Variants in SCAPER observed in about 807,000 individuals in gnomAD.
SCAPER encodes the protein S phase cyclin A-associated protein in the endoplasmic reticulum.
A neutral mutation model predicts 182.2 loss-of-function variants in SCAPER; 98 were observed. That is an observed-to-expected ratio of 0.54 (90% CI 0.46 to 0.64). The LOEUF (loss-of-function observed/expected upper bound fraction) is 0.64, where lower values mean the gene tolerates loss of function less well. Ranked by LOEUF, SCAPER falls within the 30% of genes least tolerant of loss-of-function variation. The pLI is 0.00. For synonymous variants in SCAPER, 605 were observed against 564.6 expected (o/e 1.07, Z -1.01); for missense variants, 1,432 against 1,690.0 (o/e 0.85, Z 2.68).
At chr15:76,884,038 A>G (rs2073718369) in intron 1 of SCAPER, among the ~76,000 whole-genome samples, 162 bp from the exon 2 acceptor site, 1 of 152,226 alleles carries the variant, frequency 6.6e-6, no homozygotes, top group African/African-American at 2.4e-5. Flanking sequence ...TGCTTTAAAT[A>G]TTCCATGCTG....
At chr15:76,693,532 C>T (rs1364757548) in intron 20 of SCAPER, among the ~76,000 whole-genome samples, 1 of 152,058 alleles carries the variant, frequency 6.6e-6, no homozygotes, top group Non-Finnish European at 1.5e-5. Context: ...ATTTGTATAA[C>T]CCATGTTCAT....
intron 26 of SCAPER, among the ~76,000 whole-genome samples, chr15:76,426,353 TCA>T (rs1236235640): frequency 1.3e-5 from 2 of 152,178 alleles, no homozygotes; most frequent in Non-Finnish European, 2.9e-5. Context: ...CAGATTGATC[TCA>T]GACTGCTGTG....
In SCAPER at chr15:76,354,104, G is replaced by C; in HGVS notation, c.3892C>G (p.Gln1298Glu). 1 of 1,610,250 alleles carries C rather than the reference G, an allele frequency of 6.2e-7. No individual in the cohort carries two copies. The highest frequency in any genetic ancestry group is 2.2e-5 in the East Asian group (1 of 44,508). The change falls in exon 30 of 32, where the codon CAG (glutamine) becomes GAG (glutamate). Residue 1298 changes from glutamine (Q) to glutamate (E), a missense_variant. Gln to Glu is a conservative substitution (Grantham distance 29, BLOSUM62 2). Around this residue, in one of 5 missense-constraint regions of SCAPER, gnomAD observed 718 missense variants for 799.7 expected, o/e 0.90. Transcript: ENST00000563290. The surrounding 1 kb of genome is among the most constrained non-coding windows in gnomAD (Gnocchi z 4.4). ...VQSGRHPTVL[Q>E]KLCQLPFQYF... ...TGGAAGGGCAACTGGCAGAGCTTCTGCAGCACTGTGGGGTGGCGGCCGGAC... is the reference window on the plus strand; with the variant it reads ...TGGAAGGGCAACTGGCAGAGCTTCTCCAGCACTGTGGGGTGGCGGCCGGAC...
At chr15:76,769,546 G>C (rs2063331452) in intron 10 of SCAPER, among the ~76,000 whole-genome samples, 1 of 151,766 alleles carries the variant, frequency 6.6e-6, no homozygotes, top group Non-Finnish European at 1.5e-5. Flanking sequence ...CATTTGTGCA[G>C]CCAACAGACA....
rs749628378 is a variant in SCAPER, at chr15:76,883,880, C to A, written c.-59-4G>T. ...ATAAACCCATGGAGTATGACTCCTA[C>A]AATAAAAAATATATATACGCTTAGT... On this transcript the variant is annotated splice_region_variant and splice_polypyrimidine_tract_variant and intron_variant, in intron 1 of 31. Transcript: ENST00000563290. 8.0e-7 allele frequency: 1 copy of A among 1,247,096 alleles called. No homozygotes were observed. Among genetic ancestry groups the A allele is most frequent in the Non-Finnish European group, 1.1e-6 (1 of 896,914 alleles). 77.3% of individuals were successfully genotyped at this position (1,247,096 alleles called of 1,614,324 possible).
chr15:76,459,755 T>C (rs1186618536), intron 25 of SCAPER, among the ~76,000 whole-genome samples: 2 of 152,206 alleles, frequency 1.3e-5, no homozygotes, highest in Non-Finnish European at 2.9e-5. Flanking sequence ...CCTAGACTAA[T>C]GTCCAGCAGA....
intron 25 of SCAPER, among the ~76,000 whole-genome samples, chr15:76,448,665 T>C (rs2048169843): frequency 1.3e-5 from 2 of 152,066 alleles, no homozygotes; most frequent in African/African-American, 2.4e-5. Context: ...CTGAGACATA[T>C]CAACATTTGC....
chr15:76,755,395 T>G (rs4641709), intron 14 of SCAPER, among the ~76,000 whole-genome samples: 1 of 152,004 alleles, frequency 6.6e-6, no homozygotes, highest in Non-Finnish European at 1.5e-5. Context: ...TTTATGAACA[T>G]TCAGATTATG....
At chr15:76,501,538 G>A (rs1448019001) in intron 24 of SCAPER, among the ~76,000 whole-genome samples, 1 of 152,184 alleles carries the variant, frequency 6.6e-6, no homozygotes, top group Non-Finnish European at 1.5e-5. Flanking sequence ...GCAGTGACAC[G>A]TAAGGTTTAT....
intron 22 of SCAPER, among the ~76,000 whole-genome samples, chr15:76,599,867 T>A (rs1411983532): frequency 8.2e-6 from 1 of 121,912 alleles, no homozygotes. Flanking sequence ...TCAAAATTTA[T>A]CAAATGTCAC....
In SCAPER at chr15:76,418,661, G is replaced by A. The variant is rs560649276; in HGVS notation, c.3312-13982C>T. Among the ~76,000 whole-genome samples the A allele has an allele frequency of 1.6e-4, 24 of 152,348 alleles. No homozygotes were observed. In the East Asian group the frequency reaches 4.4e-3, roughly 28 times the overall value. ...GCTTGCATCACTATAACTGTAGCTG[G>A]CTGGATCCTAGGCCAGACAAAATTA... On this transcript the variant is annotated intron_variant, in intron 26 of 31. Transcript: ENST00000563290.
At chr15:76,355,544 T>G (rs939434843) in intron 29 of SCAPER, among the ~76,000 whole-genome samples, 6 of 11,478 alleles carry the variant, frequency 5.2e-4, no homozygotes, top group South Asian at 0.083. Flanking sequence ...ATTAGAAGTC[T>G]TCTTTTTTTT....
At chr15:76,633,414 G>A (rs1367873829) in intron 21 of SCAPER, among the ~76,000 whole-genome samples, 1 of 152,234 alleles carries the variant, frequency 6.6e-6, no homozygotes. Context: ...AACGGGATCA[G>A]GGTCTTGCTT....
intron 5 of SCAPER, among the ~76,000 whole-genome samples, chr15:76,812,018 A>G (rs1320786643): frequency 6.6e-6 from 1 of 152,098 alleles, no homozygotes; most frequent in Non-Finnish European, 1.5e-5. Flanking sequence ...AATCAAATAT[A>G]GAAAAACATC....
chr15:76,480,005 C>T (rs1420924781), intron 24 of SCAPER, among the ~76,000 whole-genome samples: 1 of 152,084 alleles, frequency 6.6e-6, no homozygotes, highest in East Asian at 1.9e-4. Flanking sequence ...ATCGTTTTGC[C>T]CTCAAGTAAG....
intron 10 of SCAPER, among the ~76,000 whole-genome samples, chr15:76,768,710 ACAGT>A (rs1598614280): frequency 1.3e-5 from 2 of 152,178 alleles, no homozygotes; most frequent in East Asian, 3.8e-4. Context: ...ATCCACAGTT[ACAGT>A]CAGTGATTTC....
At chr15:76,530,967 A>G (rs969824596) in intron 23 of SCAPER, among the ~76,000 whole-genome samples, 1 of 151,474 alleles carries the variant, frequency 6.6e-6, no homozygotes, top group South Asian at 2.1e-4. Context: ...ATATATGTGT[A>G]TATATACGTA....
chr15:76,702,231 G>C (rs528644644), intron 19 of SCAPER, among the ~76,000 whole-genome samples: 1 of 152,122 alleles, frequency 6.6e-6, no homozygotes, highest in Admixed American at 6.5e-5. Flanking sequence ...CTCTAAGTTT[G>C]AAGGTTCAAG....
intron 22 of SCAPER, among the ~76,000 whole-genome samples, chr15:76,604,540 T>C (rs1233688435): frequency 1.9e-5 from 2 of 106,810 alleles, no homozygotes; most frequent in East Asian, 2.5e-4. Context: ...AACTTTAAAG[T>C]AGTTTTTTCT....
Sources: gnomAD v4.1 joint callset for allele counts (sites outside exome capture counted in the v4.1 genomes callset) on GRCh38, gnomAD v4.1.1 for gene constraint, gnomAD v4.1.1 regional missense constraint, Gnocchi (gnomAD v3.1) non-coding constraint, MANE v1.5 for transcripts, NCBI Gene and HGNC (gene_info 2026-07-23, HGNC 2026-07-21) for gene names.